Variants in SLC43A1 observed in about 807,000 individuals in gnomAD.
The protein encoded by SLC43A1 is large neutral amino acids transporter small subunit 3.
In SLC43A1, 31 loss-of-function variants were observed where a neutral mutation model predicts 59.5. The observed-to-expected ratio is 0.52, with a 90% CI of 0.39 to 0.70. The LOEUF is 0.70. Among genes scored for constraint, SLC43A1 ranks in the 30% least tolerant of loss-of-function variants. The pLI is 0.00. For synonymous variants in SLC43A1, 259 were observed against 290.9 expected (o/e 0.89, Z 1.12); for missense variants, 598 against 717.8 (o/e 0.83, Z 1.91).
In SLC43A1 at chr11:57,494,129, C is replaced by T. The variant is rs781039107; in HGVS notation, c.735G>A (p.Val245=). The T allele has an allele frequency of 3.1e-5, 50 of 1,611,196 alleles. 1 individual carries two copies. In the South Asian group the frequency reaches 5.3e-4, roughly 17 times the overall value. Residue 245 remains valine (V), a synonymous_variant, in exon 8 of 15, where the codon GTG becomes GTA. Transcript: ENST00000278426. ...KLSGLALDHK[V]TGDLFYTHVT... The stretch of plus-strand genomic sequence containing the variant: ...CATGGGTGTAGAAGAGGTCACCTGT[C>T]ACCTTGTGGTCCAGGGCCAGCCCAC...
At chr11:57,497,447 G>A (rs1279030234) in intron 6 of SLC43A1, among the ~76,000 whole-genome samples, 1 of 152,220 alleles carries the variant, frequency 6.6e-6, no homozygotes, top group East Asian at 1.9e-4. Flanking sequence ...TGAAGGGGCT[G>A]GACTTGATTC....
chr11:57,506,533 T>G (rs1268763383), intron 2 of SLC43A1, among the ~76,000 whole-genome samples: 2 of 152,022 alleles, frequency 1.3e-5, no homozygotes, highest in East Asian at 3.9e-4. Context: ...AGACCTTGTC[T>G]CAAAAACAAA....
At chr11:57,510,002 C>T (rs1488396330) in intron 2 of SLC43A1, among the ~76,000 whole-genome samples, 4 of 152,042 alleles carry the variant, frequency 2.6e-5, no homozygotes, top group South Asian at 2.1e-4. Context: ...AGAAAGATAA[C>T]CTAATTTTAA....
chr11:57,492,860 T>C (rs1590753157), intron 8 of SLC43A1, among the ~76,000 whole-genome samples: 1 of 148,920 alleles, frequency 6.7e-6, no homozygotes, highest in South Asian at 2.1e-4. Context: ...GCCAACATGG[T>C]GAAACCCCGT....
At chr11:57,490,056 G>A (rs1245769139) in intron 11 of SLC43A1, among the ~76,000 whole-genome samples, 1 of 152,196 alleles carries the variant, frequency 6.6e-6, no homozygotes, top group African/African-American at 2.4e-5. Context: ...TCTGCTAGCA[G>A]GGAGGGAGGC....
At chr11:57,501,697 A>T (rs1944271227) in intron 2 of SLC43A1, among the ~76,000 whole-genome samples, 1 of 152,246 alleles carries the variant, frequency 6.6e-6, no homozygotes, top group African/African-American at 2.4e-5. Flanking sequence ...TCTAATGGCT[A>T]TAACAAGAAT....
chr11:57,492,331 T>C (rs1272129360), intron 8 of SLC43A1, among the ~76,000 whole-genome samples: 1 of 141,766 alleles, frequency 7.1e-6, no homozygotes, highest in East Asian at 2.0e-4. Context: ...TGCACACCTG[T>C]ATTCCCAGCT....
Position 57,487,231 on chromosome 11 carries a change from C to T in SLC43A1, c.1410-13G>A, listed in dbSNP as rs369299138. On this transcript the variant is annotated splice_polypyrimidine_tract_variant and intron_variant, in intron 13 of 14. Transcript: ENST00000278426. ...GTTGGATGGGAACCTGTCCACGAGA[C>T]GGGGAGTATCAGGGGTGTGTGGCCC... 13 of 1,610,448 alleles carry T rather than the reference C, an allele frequency of 8.1e-6. No individual in the cohort carries two copies. Among genetic ancestry groups the T allele is most frequent in the African/African-American group, 4.0e-5 (3 of 74,856 alleles).
chr11:57,485,348 T>C (rs1943701515), intron 14 of SLC43A1, 106 bp from the exon 15 acceptor site: 2 of 991,348 alleles, frequency 2.0e-6, no homozygotes, highest in South Asian at 3.4e-5. Context: ...TGAGCCAGAA[T>C]AAATACAGCT....
At chr11:57,506,371 A>G (rs908147575) in intron 2 of SLC43A1, among the ~76,000 whole-genome samples, 12 of 152,138 alleles carry the variant, frequency 7.9e-5, no homozygotes, top group African/African-American at 2.7e-4. Context: ...GTAATTAATT[A>G]AATAAAATTT....
Position 57,491,336 on chromosome 11 carries a change from C to T in SLC43A1, c.1081G>A (p.Ala361Thr). ...TVGFYSSVFG[A>T]MQLLCLLTCP... The stretch of plus-strand genomic sequence containing the variant: ...GTGAGAAGGCACAACAGCTGCATGG[C>T]CCCGAAGACGGAGGAGTAGAACCCA... The change falls in exon 11 of 15, where the codon GCC (alanine) becomes ACC (threonine). Residue 361 changes from alanine to threonine, a missense_variant. Ala to Thr is a moderately conservative substitution (Grantham distance 58, BLOSUM62 0). Transcript: ENST00000278426. 2.5e-6 allele frequency: 4 copies of T among 1,603,474 alleles called. No individual in the cohort carries two copies. The highest frequency in any genetic ancestry group is 3.4e-6 in the Non-Finnish European group (4 of 1,174,868).
chr11:57,500,320 G>A (rs1287422510), intron 5 of SLC43A1, among the ~76,000 whole-genome samples: 2 of 152,206 alleles, frequency 1.3e-5, no homozygotes, highest in Admixed American at 1.3e-4. Flanking sequence ...GCGTGCACAC[G>A]CTATCTCAAG....
intron 4 of SLC43A1, 47 bp from the exon 5 acceptor site, chr11:57,500,902 A>G: frequency 1.9e-6 from 3 of 1,610,424 alleles, no homozygotes; most frequent in Non-Finnish European, 2.5e-6. Flanking sequence ...GAGCTGTGGG[A>G]AGCCAAGGGC....
At chr11:57,506,252 G>A (rs1290112143) in intron 2 of SLC43A1, among the ~76,000 whole-genome samples, 2 of 152,212 alleles carry the variant, frequency 1.3e-5, no homozygotes, top group Non-Finnish European at 2.9e-5. Flanking sequence ...AGGCTGAGGT[G>A]GGAGGATCAC....
chr11:57,515,066 G>A lies in SLC43A1; in HGVS notation c.-14+378C>T. The A allele has an allele frequency of 1.0e-6, 1 of 985,436 alleles. No individual in the cohort carries two copies. Among genetic ancestry groups the A allele is most frequent in the Non-Finnish European group, 1.2e-6 (1 of 830,018 alleles). 61.0% of individuals were successfully genotyped at this position (985,436 alleles called of 1,614,324 possible). A position where few individuals can be genotyped will look rare whatever the true frequency, so the allele number is the denominator to read the frequency against. On this transcript the variant is annotated intron_variant, in intron 1 of 14. Transcript: ENST00000278426. The surrounding 1 kb of genome is among the most constrained non-coding windows in gnomAD (Gnocchi z 5.3). ...GACCGAGGAAAGCGGAGAGGAGAAG[G>A]GCAAGAAAGACCCAGAGAGAGGGGA...
chr11:57,512,419 C>T (rs990140975), intron 2 of SLC43A1, among the ~76,000 whole-genome samples: 1 of 151,884 alleles, frequency 6.6e-6, no homozygotes, highest in Admixed American at 6.6e-5. Flanking sequence ...TGGTGAAAGC[C>T]CGTCTCTACT....
intron 14 of SLC43A1, among the ~76,000 whole-genome samples, chr11:57,486,362 A>G (rs1037212521): frequency 2.0e-5 from 3 of 152,100 alleles, no homozygotes; most frequent in Admixed American, 2.0e-4. Flanking sequence ...CAGGTATGGT[A>G]GCCATCACCT....
At chr11:57,511,822 G>T (rs950377961) in intron 2 of SLC43A1, among the ~76,000 whole-genome samples, 3 of 152,156 alleles carry the variant, frequency 2.0e-5, no homozygotes, top group African/African-American at 4.8e-5. Flanking sequence ...CCATTTAAAT[G>T]AAATGTTCAG....
intron 2 of SLC43A1, among the ~76,000 whole-genome samples, chr11:57,507,503 C>G (rs928189082): frequency 2.2e-4 from 33 of 151,978 alleles, no homozygotes; most frequent in African/African-American, 7.5e-4. Flanking sequence ...ATTAGCCGTG[C>G]GTGGTGGTAC....
Sources: allele counts gnomAD v4.1 joint callset (sites outside exome capture counted in the v4.1 genomes callset), GRCh38; gene constraint gnomAD v4.1.1; non-coding constraint Gnocchi (gnomAD v3.1); transcripts MANE v1.5; gene names NCBI Gene and HGNC (gene_info 2026-07-23, HGNC 2026-07-21).